The following ADAD1 variants were observed in gnomAD, a reference collection of about 807,000 sequenced individuals.
ADAD1 encodes adenosine deaminase domain containing 1, also known as adenosine deaminase domain-containing protein 1.
Under a neutral mutation model 66.8 loss-of-function variants are expected in ADAD1, and 46 were observed. That is an observed-to-expected ratio of 0.69 (90% CI 0.54 to 0.88). The LOEUF (loss-of-function observed/expected upper bound fraction) is 0.88. ADAD1 is among the 40% of genes least tolerant of loss of function. The probability of loss-of-function intolerance (pLI) is 0.00; values close to 1 mark genes in which losing one functional copy is unlikely to be tolerated. For synonymous variants in ADAD1, 248 were observed against 229.4 expected, an observed-to-expected ratio of 1.08 and a Z score of -0.73; for missense variants, 617 against 681.8, an observed-to-expected ratio of 0.91 and a Z score of 1.06.
rs202102317 is a variant in ADAD1, at chr4:122,395,021, TGTGTG to T, written c.599-1228_599-1224del. ...CAGAGGTAGTCACTATTTCCCAGCC[TGTGTG>T]GTTTGCTATATATATGTGTGTGTGT... On this transcript the variant is annotated intron_variant, in intron 6 of 12. Coordinates refer to ENST00000296513, the MANE Select transcript of ADAD1 (RefSeq NM_139243.4). Among the ~76,000 whole-genome samples the T allele has an allele frequency of 9.7e-4, 148 of 152,284 alleles. 3 individuals are homozygous for T. In the East Asian group the frequency reaches 0.021, roughly 22 times the overall value.
intron 4 of ADAD1, among the ~76,000 whole-genome samples, chr4:122,382,007 T>G (rs1294586041): frequency 6.6e-6 from 1 of 152,210 alleles, no homozygotes; most frequent in Non-Finnish European, 1.5e-5. Context: ...ACATCAAGTT[T>G]CAGTCTGTTG....
intron 12 of ADAD1, among the ~76,000 whole-genome samples, chr4:122,423,224 T>G (rs995922571): frequency 6.6e-6 from 1 of 152,160 alleles, no homozygotes; most frequent in Non-Finnish European, 1.5e-5. Flanking sequence ...TTTTGTTGGC[T>G]TAAATGCCAA....
At chr4:122,428,809 C>A (rs752193457) in intron 12 of ADAD1, among the ~76,000 whole-genome samples, 25 of 152,186 alleles carry the variant, frequency 1.6e-4, no homozygotes, top group Non-Finnish European at 2.6e-4. Context: ...GGATTTGTTT[C>A]ACAACTGGAC....
rs76493136 is a variant in ADAD1 at position 122,396,385 on chromosome 4, C to T, written c.724+8C>T. 17 of 1,560,978 alleles carry T rather than the reference C, an allele frequency of 1.1e-5. No individual in the cohort carries two copies. Among genetic ancestry groups the T allele is most frequent in the African/African-American group, 1.4e-5 (1 of 72,122 alleles). On this transcript the variant is annotated splice_region_variant and intron_variant, in intron 7 of 12. Transcript: ENST00000296513. ...CTTTTATAATTGAAAGAGGTAAGTCCACATATTTGGGAAAAACTAATATTG... is the reference window on the plus strand; with the variant it reads ...CTTTTATAATTGAAAGAGGTAAGTCTACATATTTGGGAAAAACTAATATTG...
chr4:122,391,067 T>C (rs1795410966), intron 5 of ADAD1, among the ~76,000 whole-genome samples: 1 of 152,232 alleles, frequency 6.6e-6, no homozygotes, highest in South Asian at 2.1e-4. Context: ...TTCTTGTTGA[T>C]GCTATTGTTG....
At chr4:122,384,026 TGAAA>T in intron 5 of ADAD1, 60 bp downstream of exon 5, 1 of 1,413,158 alleles carries the variant, frequency 7.1e-7, no homozygotes, top group Admixed American at 2.5e-5. Flanking sequence ...AGGAATCACC[TGAAA>T]GATTTATGTT....
At chr4:122,388,447 A>G (rs1795278934) in intron 5 of ADAD1, among the ~76,000 whole-genome samples, 1 of 152,190 alleles carries the variant, frequency 6.6e-6, no homozygotes, top group Non-Finnish European at 1.5e-5. Flanking sequence ...GAATGGTACC[A>G]GCTCCTCTTT....
chr4:122,385,909 A>G (rs1024154522), intron 5 of ADAD1, among the ~76,000 whole-genome samples: 3 of 152,076 alleles, frequency 2.0e-5, no homozygotes, highest in African/African-American at 4.8e-5. Flanking sequence ...TCCATGGTGT[A>G]TATGTACCAT....
chr4:122,426,803 G>C (rs945635746), intron 12 of ADAD1, among the ~76,000 whole-genome samples: 1 of 152,150 alleles, frequency 6.6e-6, no homozygotes, highest in African/African-American at 2.4e-5. Flanking sequence ...TAAAAACACT[G>C]AACAAACAAG....
intron 2 of ADAD1, chr4:122,379,790 A>G (rs777369701): frequency 1.3e-5 from 4 of 302,882 alleles, no homozygotes; most frequent in Non-Finnish European, 2.4e-5. Flanking sequence ...ACTCCTGAGT[A>G]GTTTTAAGGT....
chr4:122,399,308 C>A lies in ADAD1; in HGVS notation c.724+2931C>A, dbSNP rs1393688558. ...TTGTTTTATTTCTGGGTTCTCCATT[C>A]TGTTCCATTATTCTGTTCCATTATT... is the stretch of plus-strand genomic sequence containing the variant. On this transcript the variant is annotated intron_variant, in intron 7 of 12. Coordinates refer to ENST00000296513, the MANE Select transcript of ADAD1 (RefSeq NM_139243.4). Among the ~76,000 whole-genome samples the A allele has an allele frequency of 2.6e-5, 4 of 152,012 alleles. No individual in the cohort carries two copies. In the East Asian group the frequency reaches 7.7e-4, roughly 29 times the overall value.
At chr4:122,410,497 T>G (rs940534349) in intron 8 of ADAD1, among the ~76,000 whole-genome samples, 1 of 152,206 alleles carries the variant, frequency 6.6e-6, no homozygotes, top group Non-Finnish European at 1.5e-5. Flanking sequence ...ATTTGAATTT[T>G]AAAATTTTTA....
chr4:122,417,237 G>A (rs1796779782), intron 11 of ADAD1, among the ~76,000 whole-genome samples: 1 of 151,076 alleles, frequency 6.6e-6, no homozygotes, highest in South Asian at 2.1e-4. Context: ...TTGGGAGGCT[G>A]AGACAGGGAA....
intron 11 of ADAD1, among the ~76,000 whole-genome samples, chr4:122,417,195 G>T (rs1052933041): frequency 2.0e-5 from 3 of 151,960 alleles, no homozygotes; most frequent in African/African-American, 7.3e-5. Context: ...GATTAGCTGG[G>T]CATGGTGGCA....
chr4:122,402,376 T>C (rs1796021695), intron 7 of ADAD1, among the ~76,000 whole-genome samples: 1 of 152,188 alleles, frequency 6.6e-6, no homozygotes, highest in Admixed American at 6.5e-5. Flanking sequence ...GTAAATCTGA[T>C]AGGTTTTCCT....
chr4:122,393,659 T>A lies in ADAD1; in HGVS notation c.598+2T>A. ...CATATGTTTCAAAAGTACATTATGGTAGGAAAGTTTTTTGTGACGTTCTTC... is the reference window on the plus strand; with the variant it reads ...CATATGTTTCAAAAGTACATTATGGAAGGAAAGTTTTTTGTGACGTTCTTC... On this transcript the variant is annotated splice_donor_variant, in intron 6 of 12. Coordinates refer to ENST00000296513, the MANE Select transcript of ADAD1 (RefSeq NM_139243.4). LOFTEE classifies it high-confidence loss of function. The A allele has an allele frequency of 6.3e-7, 1 of 1,584,366 alleles. No homozygotes were observed. The highest frequency in any genetic ancestry group is 8.6e-7 in the Non-Finnish European group (1 of 1,168,700).
chr4:122,429,276 TA>T (rs572931518), intron 12 of ADAD1, among the ~76,000 whole-genome samples: 7 of 146,938 alleles, frequency 4.8e-5, no homozygotes, highest in South Asian at 2.2e-4. Context: ...CTGCAAAAAA[TA>T]AAAAAAAAAT....
intron 5 of ADAD1, 105 bp from the exon 6 acceptor site, chr4:122,393,484 G>GA (rs76587450): frequency 7.0e-4 from 721 of 1,034,814 alleles, no homozygotes; most frequent in South Asian, 9.6e-4. Context: ...CAAAAATACG[G>GA]AAAAAAAAAT....
At chr4:122,387,041 A>G (rs961764187) in intron 5 of ADAD1, among the ~76,000 whole-genome samples, 1 of 152,174 alleles carries the variant, frequency 6.6e-6, no homozygotes, top group Non-Finnish European at 1.5e-5. Context: ...TTTCATATGA[A>G]ATTTAAAATA....
Sources: gnomAD v4.1 joint callset for allele counts (sites outside exome capture counted in the v4.1 genomes callset) on GRCh38, gnomAD v4.1.1 for gene constraint, MANE v1.5 for transcripts, NCBI Gene and HGNC (gene_info 2026-07-23, HGNC 2026-07-21) for gene names.